The following NEK2 variants were observed in gnomAD, a reference collection of about 807,000 sequenced individuals.
NEK2 encodes serine/threonine-protein kinase Nek2.
Under a neutral mutation model 54.1 loss-of-function variants are expected in NEK2, and 28 were observed. That is an observed-to-expected ratio of 0.52 (90% confidence interval 0.38 to 0.71). The LOEUF is 0.71. NEK2 is among the 30% of genes least tolerant of loss of function. NEK2 has a pLI of 0.00. For missense variants in NEK2, 407 were observed against 531.5 expected, an observed-to-expected ratio of 0.77 and a Z score of 2.30; for synonymous variants, 176 against 193.1, an observed-to-expected ratio of 0.91 and a Z score of 0.73.
At chr1:211,664,032 G>A (rs1157416707) in intron 7 of NEK2, among the ~76,000 whole-genome samples, 6 of 150,098 alleles carry the variant, frequency 4.0e-5, no homozygotes, top group Non-Finnish European at 8.9e-5. Flanking sequence ...CTACAGAAAA[G>A]TGTAGAAGCA....
downstream of NEK2, among the ~76,000 whole-genome samples, chr1:211,661,563 C>A (rs760844964): frequency 7.9e-5 from 12 of 152,156 alleles, no homozygotes; most frequent in Non-Finnish European, 7.3e-5. Flanking sequence ...ATCTTCAGAA[C>A]CAACAGGGGC....
downstream of NEK2, chr1:211,661,172 C>T (rs1301399453): frequency 2.7e-6 from 2 of 738,002 alleles, no homozygotes; most frequent in East Asian, 2.6e-5. Context: ...CCTCAGTCAG[C>T]ACCCTAACAA....
downstream of NEK2, among the ~76,000 whole-genome samples, chr1:211,659,267 G>A (rs1654958898): frequency 6.6e-6 from 1 of 151,978 alleles, no homozygotes; most frequent in Non-Finnish European, 1.5e-5. Flanking sequence ...GTGTATTACA[G>A]GACTGGATTA....
chr1:211,659,222 A>G (rs1203514002), downstream of NEK2, among the ~76,000 whole-genome samples: 1 of 124,740 alleles, frequency 8.0e-6, no homozygotes, highest in Non-Finnish European at 1.9e-5. Flanking sequence ...AAAACATAAA[A>G]CAGAAAAAAA....
chr1:211,672,849 T>A (rs1034232118), intron 3 of NEK2, among the ~76,000 whole-genome samples: 2 of 152,120 alleles, frequency 1.3e-5, no homozygotes, highest in Non-Finnish European at 2.9e-5. Flanking sequence ...CATAAAAGCT[T>A]GAACTGAATA....
In NEK2 at chr1:211,667,119, C is replaced by CAG; in HGVS notation, c.1096_1097dup (p.Ala367TrpfsTer14). On this transcript the variant is annotated frameshift_variant, in exon 7 of 8. Coordinates refer to ENST00000366999, the MANE Select transcript of NEK2 (RefSeq NM_002497.4). LOFTEE classifies it high-confidence loss of function. ...TGATTCTCATACCTGGATTACTTGC[C>CAG]AGAGACAGGAACTTCCGTTCCTTTA... 1 of 1,613,560 alleles carries CAG rather than the reference C, an allele frequency of 6.2e-7. No individual in the cohort carries two copies. Among genetic ancestry groups the CAG allele is most frequent in the Non-Finnish European group, 8.5e-7 (1 of 1,179,830 alleles).
chr1:211,674,288 A>G lies in NEK2; in HGVS notation c.314+8T>C. 6.2e-7 allele frequency: 1 copy of G among 1,602,210 alleles called. No homozygotes were observed. The highest frequency in any genetic ancestry group is 8.5e-7 in the Non-Finnish European group (1 of 1,171,996). On this transcript the variant is annotated splice_region_variant and intron_variant, in intron 2 of 7. Transcript: ENST00000366999. ...TTTCAGCTTACATTTTTAAAAGATT[A>G]TGCTTACCTTTCCTTGGTTCCCTTT...
chr1:211,674,592 T>A, intron 1 of NEK2, 79 bp from the exon 2 acceptor site: 1 of 1,012,728 alleles, frequency 9.9e-7, no homozygotes, highest in African/African-American at 1.6e-5. Flanking sequence ...ATTTAACAAA[T>A]TACCTCCCTT....
rs772321318 is a variant in NEK2 at position 211,670,273 on chromosome 1, A to G, written c.765+8T>C. On this transcript the variant is annotated splice_region_variant and intron_variant, in intron 5 of 7. Transcript: ENST00000366999. ...GAAACAGACAATATATCATCTTATC[A>G]TCTTTACCTTTAAGTTTAACATCCT... 1.0e-5 allele frequency: 16 copies of G among 1,607,246 alleles called. No homozygotes were observed. The highest frequency in any genetic ancestry group is 1.3e-5 in the Non-Finnish European group (15 of 1,176,704).
intron 7 of NEK2, among the ~76,000 whole-genome samples, chr1:211,666,069 A>G (rs1442457103): frequency 6.6e-6 from 1 of 152,218 alleles, no homozygotes; most frequent in Non-Finnish European, 1.5e-5. Flanking sequence ...CACAGTTTGC[A>G]TTTTACATAA....
intron 6 of NEK2, among the ~76,000 whole-genome samples, chr1:211,668,737 T>C (rs1305568711): frequency 1.3e-5 from 2 of 152,230 alleles, no homozygotes; most frequent in Non-Finnish European, 2.9e-5. Flanking sequence ...ACAAAAGTCA[T>C]GGTTTTTTAT....
At chr1:211,672,291 C>G (rs909753948) in intron 3 of NEK2, among the ~76,000 whole-genome samples, 2 of 151,972 alleles carry the variant, frequency 1.3e-5, no homozygotes, top group African/African-American at 4.8e-5. Flanking sequence ...AAACATTTAC[C>G]CCAGCAATTT....
chr1:211,668,387 C>G (rs1655245696), intron 6 of NEK2, among the ~76,000 whole-genome samples: 1 of 152,212 alleles, frequency 6.6e-6, no homozygotes, highest in African/African-American at 2.4e-5. Flanking sequence ...AATATCAAAA[C>G]TAAATTAGCA....
At chr1:211,669,747 C>T (rs1048556847) in intron 5 of NEK2, among the ~76,000 whole-genome samples, 25 of 152,224 alleles carry the variant, frequency 1.6e-4, no homozygotes, top group African/African-American at 5.8e-4. Flanking sequence ...TGTGATCCTA[C>T]GGCATTTTCC....
intron 7 of NEK2, among the ~76,000 whole-genome samples, chr1:211,665,108 A>T (rs1655135676): frequency 6.6e-6 from 1 of 152,252 alleles, no homozygotes. Context: ...AACAGCTTTT[A>T]AAAAAGACAC....
chr1:211,675,240 T>C, intron 1 of NEK2, 144 bp downstream of exon 1: 1 of 719,456 alleles, frequency 1.4e-6, no homozygotes, highest in South Asian at 1.7e-5. Context: ...GGACAGGCTG[T>C]CAGATGCAGA....
downstream of NEK2, chr1:211,660,537 C>T: frequency 1.6e-6 from 1 of 636,770 alleles, no homozygotes; most frequent in South Asian, 1.4e-5. Context: ...CATCCTGAAT[C>T]TTAAAGAACT....
In NEK2 at chr1:211,662,965, T is replaced by G. The variant is rs901376039; in HGVS notation, c.*461A>C. On this transcript the variant is annotated 3_prime_UTR_variant, in exon 8 of 8. Coordinates refer to ENST00000366999, the MANE Select transcript of NEK2 (RefSeq NM_002497.4). This position sits in a 1 kb window ranked among gnomAD's most constrained non-coding sequence, Gnocchi z 4.2. ...GATGTCATGGTATTAATGACCAAAT[T>G]GCATCTAACTGGGTTTTCTAAGCTC... 1.2e-5 allele frequency: 12 copies of G among 989,460 alleles called. No homozygotes were observed. The highest frequency in any genetic ancestry group is 1.3e-5 in the Non-Finnish European group (11 of 832,088). The allele number at this position is 989,460 out of a possible 1,614,324, so 61.3% of individuals were successfully genotyped here. A position where few individuals can be genotyped will look rare whatever the true frequency, so the allele number is the denominator to read the frequency against.
intron 6 of NEK2, among the ~76,000 whole-genome samples, chr1:211,668,015 C>T (rs1655232897): frequency 1.3e-5 from 2 of 150,964 alleles, no homozygotes; most frequent in African/African-American, 4.9e-5. Context: ...CACTGCACTT[C>T]AGCCTGGGCA....
Sources: allele counts gnomAD v4.1 joint callset (sites outside exome capture counted in the v4.1 genomes callset), GRCh38; gene constraint gnomAD v4.1.1; non-coding constraint Gnocchi (gnomAD v3.1); transcripts MANE v1.5; gene names NCBI Gene and HGNC (gene_info 2026-07-23, HGNC 2026-07-21).